RSPH1: variants seen among roughly 807,000 people sequenced by gnomAD.
RSPH1 encodes the protein radial spoke head component 1, also known as radial spoke head 1 homolog.
A neutral mutation model predicts 44.2 loss-of-function variants in RSPH1; 32 were observed. The observed-to-expected ratio is 0.72, with a 90% CI of 0.55 to 0.97. The LOEUF (loss-of-function observed/expected upper bound fraction) is 0.97, where lower values mean the gene tolerates loss of function less well. Among genes scored for constraint, RSPH1 ranks in the 50% least tolerant of loss-of-function variants. RSPH1 has a pLI of 0.00. For synonymous variants in RSPH1, 134 were observed against 147.3 expected, an observed-to-expected ratio of 0.91 and a Z score of 0.65; for missense variants, 391 against 398.7, an observed-to-expected ratio of 0.98 and a Z score of 0.16.
intron 8 of RSPH1, among the ~76,000 whole-genome samples, chr21:42,473,872 C>T (rs1360002171): frequency 3.3e-5 from 5 of 152,160 alleles, no homozygotes; most frequent in Admixed American, 6.5e-5. Flanking sequence ...CACCAGCCTC[C>T]CAAGTCTCCA....
In RSPH1 at chr21:42,485,855, C is replaced by T. The variant is rs775954573; in HGVS notation, c.366-51G>A. 3 of 1,610,946 alleles carry T rather than the reference C, an allele frequency of 1.9e-6. No homozygotes were observed. In the African/African-American group the frequency reaches 4.0e-5, roughly 22 times the overall value. ...ATTTCGTTCCAGCACAGTGAAAAAT[C>T]TCCCAGGTTTAAAACACAGACATTG... On this transcript the variant is annotated intron_variant, in intron 4 of 8. Transcript: ENST00000291536.
chr21:42,479,965 A>G (rs1330962515), intron 6 of RSPH1, among the ~76,000 whole-genome samples: 3 of 152,150 alleles, frequency 2.0e-5, no homozygotes, highest in African/African-American at 7.2e-5. Context: ...TTTTCTAGGG[A>G]CCTGCCCCTA....
chr21:42,472,969 G>A, intron 8 of RSPH1, 99 bp from the exon 9 acceptor site: 1 of 798,310 alleles, frequency 1.3e-6, no homozygotes, highest in South Asian at 1.7e-5. Flanking sequence ...AAAAATTATT[G>A]TAACTATTAA....
chr21:42,475,424 C>T (rs1023356099), intron 8 of RSPH1, among the ~76,000 whole-genome samples: 4 of 151,734 alleles, frequency 2.6e-5, no homozygotes, highest in Admixed American at 2.0e-4. Flanking sequence ...AAAAATTAGC[C>T]GGGCATGGTG....
At chr21:42,488,327 G>C (rs1394453025) in intron 3 of RSPH1, among the ~76,000 whole-genome samples, 1 of 152,188 alleles carries the variant, frequency 6.6e-6, no homozygotes, top group Non-Finnish European at 1.5e-5. Flanking sequence ...CATTTGCCAG[G>C]TTCTGTGGTG....
chr21:42,472,806 GCT>G lies in RSPH1; in HGVS notation c.*10_*11del. The G allele has an allele frequency of 6.3e-7, 1 of 1,598,384 alleles. No homozygotes were observed. The highest frequency in any genetic ancestry group is 8.6e-7 in the Non-Finnish European group (1 of 1,166,450). ...ATTCTTATGATACGATCTCCTCTCG[GCT>G]CACTTCATCTTAGTCCTGGAGGTCT... On this transcript the variant is annotated 3_prime_UTR_variant, in exon 9 of 9. Coordinates refer to ENST00000291536, the MANE Select transcript of RSPH1 (RefSeq NM_080860.4).
chr21:42,482,606 GT>G, intron 6 of RSPH1, 30 bp downstream of exon 6: 1 of 1,538,222 alleles, frequency 6.5e-7, no homozygotes, highest in Non-Finnish European at 9.0e-7. Context: ...CCCTGTTAAT[GT>G]AACAAAACCC....
At chr21:42,492,215 G>A (rs748023921) in intron 3 of RSPH1, among the ~76,000 whole-genome samples, 1 of 152,188 alleles carries the variant, frequency 6.6e-6, no homozygotes, top group Non-Finnish European at 1.5e-5. Context: ...CGGCAGGGAG[G>A]TTCTTGGAAA....
At chr21:42,482,456 T>C (rs544301522) in intron 6 of RSPH1, among the ~76,000 whole-genome samples, 181 bp downstream of exon 6, 12 of 152,320 alleles carry the variant, frequency 7.9e-5, no homozygotes, top group Admixed American at 2.6e-4. Context: ...GGAAATGATA[T>C]TGTTTGCTTC....
At position 42,477,109 on chromosome 21, in the gene RSPH1, A is replaced by C. The variant is rs1601624920; in HGVS notation, c.727+182T>G. On this transcript the variant is annotated intron_variant, in intron 7 of 8. Coordinates refer to ENST00000291536, the MANE Select transcript of RSPH1 (RefSeq NM_080860.4). ...ATGCCCCACACCCTCTGCCCCCTCCACTCCACAGCCCGGGGATGCCCCACA... is the reference window on the plus strand; with the variant it reads ...ATGCCCCACACCCTCTGCCCCCTCCCCTCCACAGCCCGGGGATGCCCCACA... Among the ~76,000 whole-genome samples the C allele has an allele frequency of 2.7e-5, 3 of 111,340 alleles. 1 individual carries two copies. The highest frequency in any genetic ancestry group is 3.7e-5 in the Non-Finnish European group (2 of 53,348). 73.0% of individuals were successfully genotyped at this position (111,340 alleles called of 152,430 possible).
intron 3 of RSPH1, among the ~76,000 whole-genome samples, chr21:42,487,689 T>G (rs2054193882): frequency 6.6e-6 from 1 of 152,332 alleles, no homozygotes; most frequent in Non-Finnish European, 1.5e-5. Flanking sequence ...TTAAAGAGGT[T>G]CTCAAAACTT....
At chr21:42,493,187 C>A (rs932706174) in intron 1 of RSPH1, 108 bp from the exon 2 acceptor site, 2 of 895,368 alleles carry the variant, frequency 2.2e-6, no homozygotes, top group Non-Finnish European at 3.5e-6. Flanking sequence ...TATGCTAAAC[C>A]CCCGGCACTA....
chr21:42,478,480 T>G (rs1487379618), intron 6 of RSPH1, among the ~76,000 whole-genome samples: 1 of 152,222 alleles, frequency 6.6e-6, no homozygotes, highest in Non-Finnish European at 1.5e-5. Context: ...AGGTCTGGGA[T>G]AGCGTCCAAT....
At chr21:42,492,935 A>T in intron 2 of RSPH1, 31 bp downstream of exon 2, 1 of 1,603,314 alleles carries the variant, frequency 6.2e-7, no homozygotes, top group Non-Finnish European at 8.5e-7. Context: ...TTAAATAGAG[A>T]AAACCATCCA....
chr21:42,478,844 G>A (rs868034751), intron 6 of RSPH1, among the ~76,000 whole-genome samples: 14 of 152,172 alleles, frequency 9.2e-5, no homozygotes, highest in African/African-American at 1.4e-4. Flanking sequence ...TGAAAACGTC[G>A]TGCTAAATGA....
At chr21:42,480,200 G>A (rs752158465) in intron 6 of RSPH1, among the ~76,000 whole-genome samples, 2 of 152,180 alleles carry the variant, frequency 1.3e-5, no homozygotes, top group South Asian at 2.1e-4. Context: ...CGAGAGCCCC[G>A]GGGATGTCCA....
intron 3 of RSPH1, among the ~76,000 whole-genome samples, chr21:42,488,089 A>G (rs182559476): frequency 1.3e-5 from 2 of 152,330 alleles, no homozygotes; most frequent in African/African-American, 4.8e-5. Context: ...CCAAAAATTC[A>G]TGGAGAGAGG....
chr21:42,493,400 T>C (rs1028756825), intron 1 of RSPH1, among the ~76,000 whole-genome samples: 2 of 152,242 alleles, frequency 1.3e-5, no homozygotes, highest in Admixed American at 1.3e-4. Flanking sequence ...AAATGCTAGA[T>C]ACTCTAAGCT....
At chr21:42,476,473 C>T (rs7283245) in intron 7 of RSPH1, among the ~76,000 whole-genome samples, 6,507 of 152,260 alleles carry the variant, frequency 0.043, 166 homozygotes, top group Middle Eastern at 0.092. Context: ...AGTATTCTTT[C>T]ACGGAGGCCA....
Sources: gnomAD v4.1 joint callset for allele counts (sites outside exome capture counted in the v4.1 genomes callset) on GRCh38, gnomAD v4.1.1 for gene constraint, MANE v1.5 for transcripts, NCBI Gene and HGNC (gene_info 2026-07-23, HGNC 2026-07-21) for gene names.